KIAA0825: variants seen among roughly 807,000 people sequenced by gnomAD.
KIAA0825 encodes uncharacterized protein KIAA0825.
Under a neutral mutation model 147.6 loss-of-function variants are expected in KIAA0825, and 119 were observed. The ratio of observed to expected loss-of-function variants is 0.81; its 90% CI spans 0.69 to 0.94. The LOEUF is 0.94. KIAA0825 is among the 40% of genes least tolerant of loss of function. KIAA0825 has a pLI of 0.00. For synonymous variants in KIAA0825, 470 were observed against 518.1 expected, an observed-to-expected ratio of 0.91 and a Z score of 1.26; for missense variants, 1,381 against 1,472.7, an observed-to-expected ratio of 0.94 and a Z score of 1.02.
At chr5:94,173,514 G>A (rs953702101) in intron 20 of KIAA0825, among the ~76,000 whole-genome samples, 2 of 152,080 alleles carry the variant, frequency 1.3e-5, no homozygotes, top group African/African-American at 4.8e-5. Context: ...TCATAACATG[G>A]CAGCTCCCCG....
chr5:94,209,748 CT>C (rs1414935647), intron 20 of KIAA0825, among the ~76,000 whole-genome samples: 1 of 152,032 alleles, frequency 6.6e-6, no homozygotes, highest in Admixed American at 6.5e-5. Context: ...CATTTTCATC[CT>C]TTTGGTGTTT....
chr5:94,437,405 A>G (rs1756515362), intron 14 of KIAA0825, among the ~76,000 whole-genome samples: 1 of 152,272 alleles, frequency 6.6e-6, no homozygotes, highest in East Asian at 1.9e-4. Flanking sequence ...ATACAAGACA[A>G]TATCACTGCA....
At chr5:94,594,634 T>C (rs1000395546) in intron 1 of KIAA0825, 6 of 642,518 alleles carry the variant, frequency 9.3e-6, no homozygotes, top group African/African-American at 3.7e-5. Context: ...ATCCTTCACA[T>C]AAAAGGAAAA....
intron 20 of KIAA0825, among the ~76,000 whole-genome samples, chr5:94,283,900 C>T (rs550737131): frequency 2.0e-5 from 3 of 152,072 alleles, no homozygotes; most frequent in Non-Finnish European, 2.9e-5. Context: ...TACTGATTTT[C>T]TAAGTGTTGA....
intron 6 of KIAA0825, among the ~76,000 whole-genome samples, chr5:94,482,324 A>T (rs1012600506): frequency 4.6e-5 from 7 of 152,036 alleles, no homozygotes; most frequent in Non-Finnish European, 7.4e-5. Flanking sequence ...GGACATTTTT[A>T]AAAAATCTGC....
chr5:94,205,080 A>G (rs1422898108), intron 20 of KIAA0825, among the ~76,000 whole-genome samples: 1 of 151,910 alleles, frequency 6.6e-6, no homozygotes, highest in Non-Finnish European at 1.5e-5. Context: ...AGTGGCTGAA[A>G]CATTAGTACT....
In KIAA0825 at chr5:94,403,701, A is replaced by G. The variant is rs1324141769; in HGVS notation, c.2755T>C (p.Ser919Pro). 6.4e-7 allele frequency: 1 copy of G among 1,551,576 alleles called. No homozygotes were observed. The highest frequency in any genetic ancestry group is 1.2e-5 in the South Asian group (1 of 84,060). ...AIKDTVQQIV[S>P]VMSSRRNCET... ...CAGTTTCTCCTAGAACTCATTACAG[A>G]TACTATCTGCTGTACAGTGTCCTTG... The change falls in exon 16 of 21, where the codon TCT (serine) becomes CCT (proline). Residue 919 changes from serine to proline, a missense_variant. Coordinates refer to ENST00000682413, the MANE Select transcript of KIAA0825 (RefSeq NM_001145678.3).
rs539176301 is a variant in KIAA0825, at chr5:94,569,777, C to T, written c.-2+12656G>A. On this transcript the variant is annotated intron_variant, in intron 2 of 20. Coordinates refer to ENST00000682413, the MANE Select transcript of KIAA0825 (RefSeq NM_001145678.3). ...AGACGTAAACCATGGCTGAATCATC[C>T]GCTACCTCCACGCTAACGGTGCCTC... The T allele has an allele frequency of 4.5e-4, 108 of 238,058 alleles. 1 individual carries two copies. The highest frequency in any genetic ancestry group is 2.8e-3 in the Middle Eastern group (2 of 720). 14.7% of individuals were successfully genotyped at this position (238,058 alleles called of 1,614,324 possible).
intron 20 of KIAA0825, among the ~76,000 whole-genome samples, chr5:94,216,421 A>G (rs1773204856): frequency 6.6e-6 from 1 of 152,194 alleles, no homozygotes; most frequent in South Asian, 2.1e-4. Flanking sequence ...AGCCTGTTCC[A>G]TTCAGATGGA....
intron 1 of KIAA0825, among the ~76,000 whole-genome samples, chr5:94,614,269 T>C (rs1789766633): frequency 6.6e-6 from 1 of 152,338 alleles, no homozygotes; most frequent in Admixed American, 6.5e-5. Flanking sequence ...AGAAAAATCA[T>C]AAGTTATTTC....
intron 20 of KIAA0825, among the ~76,000 whole-genome samples, chr5:94,274,809 G>A (rs1433989211): frequency 2.6e-5 from 4 of 152,126 alleles, no homozygotes; most frequent in Non-Finnish European, 5.9e-5. Context: ...GGGAACTCAT[G>A]AGCTTCATCC....
At chr5:94,465,976 A>G (rs1448371225) in intron 10 of KIAA0825, among the ~76,000 whole-genome samples, 1 of 152,210 alleles carries the variant, frequency 6.6e-6, no homozygotes, top group Non-Finnish European at 1.5e-5. Context: ...TTGAAATAGG[A>G]AGATTAGAAT....
At chr5:94,334,136 C>T (rs1293662268) in intron 20 of KIAA0825, among the ~76,000 whole-genome samples, 2 of 152,110 alleles carry the variant, frequency 1.3e-5, no homozygotes, top group South Asian at 4.2e-4. Flanking sequence ...AAAAAAATTA[C>T]GATTAATGAT....
At chr5:94,474,842 C>T (rs1175973453) in intron 7 of KIAA0825, among the ~76,000 whole-genome samples, 5 of 152,218 alleles carry the variant, frequency 3.3e-5, no homozygotes, top group Admixed American at 3.3e-4. Context: ...AATCCCAGCA[C>T]TTTGGGAGGC....
chr5:94,486,402 A>C (rs926322814), intron 5 of KIAA0825, among the ~76,000 whole-genome samples: 5 of 152,076 alleles, frequency 3.3e-5, no homozygotes, highest in African/African-American at 1.2e-4. Context: ...GTGAAACTTT[A>C]AAATGTTAGC....
intron 20 of KIAA0825, among the ~76,000 whole-genome samples, chr5:94,328,922 A>G (rs774676156): frequency 2.6e-5 from 4 of 152,146 alleles, no homozygotes; most frequent in Non-Finnish European, 4.4e-5. Flanking sequence ...ACATGTAGAT[A>G]TAAAGAAATA....
At chr5:94,504,746 C>CTTTTTTTTTTTT (rs564291886) in intron 5 of KIAA0825, among the ~76,000 whole-genome samples, 1 of 122,982 alleles carries the variant, frequency 8.1e-6, no homozygotes, top group Admixed American at 8.8e-5. Flanking sequence ...TTTTTCTTTT[C>CTTTTTTTTTTTT]TTTTTTTTTT....
At chr5:94,465,518 A>G (rs192124720) in intron 10 of KIAA0825, among the ~76,000 whole-genome samples, 2 of 152,360 alleles carry the variant, frequency 1.3e-5, no homozygotes, top group African/African-American at 2.4e-5. Flanking sequence ...TAATGAAGTA[A>G]CAGGAGTAAA....
At chr5:94,190,900 A>G (rs1770624728) in intron 20 of KIAA0825, among the ~76,000 whole-genome samples, 1 of 152,174 alleles carries the variant, frequency 6.6e-6, no homozygotes, top group South Asian at 2.1e-4. Flanking sequence ...CTTTTAAAAA[A>G]ATCAGCAGAA....
Sources: allele counts gnomAD v4.1 joint callset (sites outside exome capture counted in the v4.1 genomes callset), GRCh38; gene constraint gnomAD v4.1.1; transcripts MANE v1.5; gene names NCBI Gene and HGNC (gene_info 2026-07-23, HGNC 2026-07-21).